The following AKAP19 variants were observed in gnomAD, a reference collection of about 807,000 sequenced individuals.
AKAP19 encodes A-kinase anchoring protein 19.
the AKAP19 span, chr2:189,930,878 C>G: frequency 1.4e-6 from 1 of 725,902 alleles, no homozygotes; most frequent in South Asian, 1.5e-5. Flanking sequence ...TAGACTGGAG[C>G]TGGAACCTGT....
chr2:189,993,298 T>C, the AKAP19 span, among the ~76,000 whole-genome samples: 831 of 152,354 alleles, frequency 5.5e-3, 9 homozygotes, highest in African/African-American at 0.019. Flanking sequence ...TAATTCTGTT[T>C]ATGTGATATA....
the AKAP19 span, among the ~76,000 whole-genome samples, chr2:189,955,208 C>G: frequency 1.3e-5 from 2 of 152,150 alleles, no homozygotes; most frequent in Admixed American, 1.3e-4. Flanking sequence ...TTTTAACTTC[C>G]TGAGTCATTT....
the AKAP19 span, among the ~76,000 whole-genome samples, chr2:189,990,647 A>T: frequency 1.6e-4 from 24 of 152,222 alleles, no homozygotes; most frequent in Non-Finnish European, 1.2e-4. Flanking sequence ...GAGAAGGGTT[A>T]TTTCTCTTCT....
the AKAP19 span, among the ~76,000 whole-genome samples, chr2:190,118,853 G>A: frequency 6.6e-6 from 1 of 152,252 alleles, no homozygotes; most frequent in South Asian, 2.1e-4. Context: ...ACATACTGTT[G>A]GAAGTTCTGG....
chr2:190,043,176 G>A, the AKAP19 span, among the ~76,000 whole-genome samples: 25 of 152,026 alleles, frequency 1.6e-4, no homozygotes, highest in Non-Finnish European at 3.2e-4. Context: ...TGTCTTGGGG[G>A]TGATCTTCTT....
the AKAP19 span, among the ~76,000 whole-genome samples, chr2:190,190,348 G>A: frequency 6.6e-6 from 1 of 152,212 alleles, no homozygotes; most frequent in Non-Finnish European, 1.5e-5. Context: ...ACATGTCTGA[G>A]ATTCATCCAT....
chr2:190,038,899 T>TC, the AKAP19 span, among the ~76,000 whole-genome samples: 9 of 42,768 alleles, frequency 2.1e-4, no homozygotes, highest in Non-Finnish European at 1.9e-4. Flanking sequence ...TTTCTTTCTT[T>TC]CTTTCTTCTT....
At chr2:190,180,629 T>C in the AKAP19 span, 2 of 985,634 alleles carry the variant, frequency 2.0e-6, no homozygotes, top group Non-Finnish European at 2.4e-6. The surrounding 1 kb of genome is among the most constrained non-coding windows in gnomAD (Gnocchi z 6.8). Flanking sequence ...CCAGCTCCGC[T>C]CCGCCCGCCC....
the AKAP19 span, among the ~76,000 whole-genome samples, chr2:190,131,602 A>C: frequency 6.6e-6 from 1 of 152,216 alleles, no homozygotes; most frequent in Admixed American, 6.5e-5. Context: ...CAGCAAATTA[A>C]TAGAATTCAA....
At chr2:189,885,197 G>A in the AKAP19 span, among the ~76,000 whole-genome samples, 1 of 152,108 alleles carries the variant, frequency 6.6e-6, no homozygotes, top group Non-Finnish European at 1.5e-5. Context: ...TGATTACTTT[G>A]CCCATTAGAT....
At chr2:189,886,231 G>C in the AKAP19 span, among the ~76,000 whole-genome samples, 1 of 151,988 alleles carries the variant, frequency 6.6e-6, no homozygotes, top group African/African-American at 2.4e-5. Context: ...CAACCACTAG[G>C]GTTTTCCATT....
the AKAP19 span, among the ~76,000 whole-genome samples, chr2:189,939,711 G>C: frequency 6.6e-6 from 1 of 152,114 alleles, no homozygotes; most frequent in Non-Finnish European, 1.5e-5. Flanking sequence ...TAATTTAACA[G>C]AGAGATTGAA....
chr2:190,152,071 T>C, the AKAP19 span, among the ~76,000 whole-genome samples: 1 of 150,772 alleles, frequency 6.6e-6, no homozygotes, highest in Non-Finnish European at 1.5e-5. Context: ...CTCCTCTAAT[T>C]CCAGTGCTTT....
chr2:190,175,107 A>C, the AKAP19 span, among the ~76,000 whole-genome samples: 2,367 of 112,796 alleles, frequency 0.021, 29 homozygotes, highest in African/African-American at 0.053. Flanking sequence ...ACAACAACAA[A>C]ATCAGACGCT....
At chr2:189,920,295 C>A in the AKAP19 span, among the ~76,000 whole-genome samples, 19 of 152,176 alleles carry the variant, frequency 1.2e-4, no homozygotes, top group African/African-American at 4.1e-4. Context: ...CTTGCACTAT[C>A]ATTCTCAATA....
At chr2:190,072,777 G>A in the AKAP19 span, among the ~76,000 whole-genome samples, 1 of 152,096 alleles carries the variant, frequency 6.6e-6, no homozygotes, top group African/African-American at 2.4e-5. Flanking sequence ...GAGGAAACAA[G>A]TGTTATCACA....
At chr2:190,168,157 T>G in the AKAP19 span, among the ~76,000 whole-genome samples, 1 of 152,206 alleles carries the variant, frequency 6.6e-6, no homozygotes, top group Non-Finnish European at 1.5e-5. Context: ...TTTGCACCCA[T>G]GGGCTCAACA....
At chr2:190,061,713 T>C in the AKAP19 span, among the ~76,000 whole-genome samples, 4 of 152,086 alleles carry the variant, frequency 2.6e-5, no homozygotes, top group African/African-American at 9.7e-5. Context: ...CAAAATTAAA[T>C]TTTTAACTGT....
chr2:190,057,696 C>T, the AKAP19 span: 2 of 1,569,284 alleles, frequency 1.3e-6, no homozygotes, highest in Non-Finnish European at 1.8e-6. Context: ...CACTTTTCTA[C>T]CTACCTTAAG....
Sources: gnomAD v4.1 joint callset for allele counts (sites outside exome capture counted in the v4.1 genomes callset) on GRCh38, gnomAD v4.1.1 for gene constraint, Gnocchi (gnomAD v3.1) non-coding constraint, MANE v1.5 for transcripts, NCBI Gene and HGNC (gene_info 2026-07-23, HGNC 2026-07-21) for gene names.